CHODL: variants seen among roughly 807,000 people sequenced by gnomAD.
CHODL encodes the protein chondrolectin.
A neutral mutation model predicts 34.5 loss-of-function variants in CHODL; 29 were observed. The ratio of observed to expected loss-of-function variants is 0.84; its 90% CI spans 0.63 to 1.15. CHODL has a LOEUF of 1.15. Among genes scored for constraint, CHODL ranks in the 50% most tolerant of loss-of-function variants. CHODL has a pLI of 0.00. For missense variants in CHODL, 332 were observed against 332.5 expected (o/e 1.00, Z 0.01); for synonymous variants, 125 against 116.1 (o/e 1.08, Z -0.49).
chr21:18,148,178 C>A (rs1298439950), intron 2 of CHODL, among the ~76,000 whole-genome samples: 1 of 152,058 alleles, frequency 6.6e-6, no homozygotes, highest in African/African-American at 2.4e-5. Context: ...CACATTAGTA[C>A]CACCTTTATT....
At chr21:18,009,088 A>G (rs2063986706) in intron 1 of CHODL, among the ~76,000 whole-genome samples, 2 of 152,224 alleles carry the variant, frequency 1.3e-5, no homozygotes. Flanking sequence ...TTTTTAGTAT[A>G]TTGAAGCATT....
chr21:18,232,898 T>G (rs1458472326), intron 2 of CHODL, among the ~76,000 whole-genome samples: 1 of 147,690 alleles, frequency 6.8e-6, no homozygotes, highest in Non-Finnish European at 1.5e-5. Context: ...GGGGTCCATA[T>G]AATTATAATG....
intron 2 of CHODL, among the ~76,000 whole-genome samples, chr21:18,228,667 CTAT>C (rs1240920788): frequency 1.3e-5 from 2 of 152,252 alleles, no homozygotes; most frequent in African/African-American, 4.8e-5. Context: ...TCCCAAAACT[CTAT>C]TATCTGCCCT....
At chr21:18,103,371 A>G (rs1491768) in intron 2 of CHODL, among the ~76,000 whole-genome samples, 71,417 of 152,048 alleles carry the variant, frequency 0.47, 17,547 homozygotes, top group African/African-American at 0.53. Flanking sequence ...TAAAACAATC[A>G]GAGTTTGACT....
intron 2 of CHODL, among the ~76,000 whole-genome samples, chr21:18,158,838 T>A (rs1462866850): frequency 4.1e-5 from 5 of 121,242 alleles, no homozygotes; most frequent in African/African-American, 9.7e-5. Flanking sequence ...AACTCCGTCT[T>A]AAAAAAAAAA....
intron 1 of CHODL, among the ~76,000 whole-genome samples, chr21:17,967,066 G>T (rs1482964426): frequency 6.6e-6 from 1 of 151,918 alleles, no homozygotes; most frequent in Non-Finnish European, 1.5e-5. Context: ...TGTATTTTTA[G>T]TAGAGATGGG....
chr21:18,230,825 CATT>C (rs1383938546), intron 2 of CHODL, among the ~76,000 whole-genome samples: 2 of 152,014 alleles, frequency 1.3e-5, no homozygotes, highest in Non-Finnish European at 2.9e-5. Context: ...TAATTTTTGT[CATT>C]ATAGACTAAA....
chr21:18,246,680 G>T (rs1253546498), intron 1 of CHODL, among the ~76,000 whole-genome samples: 16 of 152,120 alleles, frequency 1.1e-4, no homozygotes, highest in Admixed American at 1.0e-3. Context: ...GAAAAGCAGA[G>T]ACCATGCTTT....
intron 1 of CHODL, among the ~76,000 whole-genome samples, chr21:18,010,399 G>A (rs1230842087): frequency 6.6e-6 from 1 of 151,838 alleles, no homozygotes; most frequent in Non-Finnish European, 1.5e-5. Flanking sequence ...GCAAATGACT[G>A]GAGAAGTTTC....
At chr21:18,257,370 A>C (rs1212033863) in intron 3 of CHODL, among the ~76,000 whole-genome samples, 4 of 152,228 alleles carry the variant, frequency 2.6e-5, no homozygotes. Flanking sequence ...AGAAAAAATA[A>C]TCATTTCTTA....
intron 2 of CHODL, among the ~76,000 whole-genome samples, chr21:18,135,731 A>G (rs532249558): frequency 6.6e-6 from 1 of 152,320 alleles, no homozygotes; most frequent in South Asian, 2.1e-4. Flanking sequence ...TGACTCTTGC[A>G]TTTTGTGTTC....
rs1218122119 is a variant in CHODL at position 17,937,714 on chromosome 21, A to G, written c.-145+20314A>G. 3.9e-5 allele frequency among the ~76,000 whole-genome samples: 6 copies of G among 152,096 alleles called. No individual in the cohort carries two copies. The South Asian group carries it at 1.0e-3, about 26-fold the overall frequency. On this transcript the variant is annotated intron_variant, in intron 1 of 6. Transcript: ENST00000400127. ...TAAACTATGATATTAATTTTTGGAT[A>G]ATTTTTCTACCTTCTCATTTTTTTC...
At chr21:18,075,765 T>C (rs1391657966) in intron 2 of CHODL, among the ~76,000 whole-genome samples, 1 of 152,162 alleles carries the variant, frequency 6.6e-6, no homozygotes, top group Non-Finnish European at 1.5e-5. Context: ...AATGTTATTG[T>C]ACCCCCAAAA....
chr21:18,256,560 A>T lies in CHODL; in HGVS notation c.131A>T (p.Tyr44Phe). 1.9e-6 allele frequency: 3 copies of T among 1,613,350 alleles called. No homozygotes were observed. Among genetic ancestry groups the T allele is most frequent in the Non-Finnish European group, 2.5e-6 (3 of 1,179,856 alleles). The change falls in exon 2 of 6, where the codon TAC becomes TTC. Residue 44 changes from tyrosine to phenylalanine, a missense_variant. Transcript: ENST00000299295. Reference protein sequence around the residue: ...DFKHPCYKMAYFHELSSRVSF... With the variant: ...DFKHPCYKMAFFHELSSRVSF... ...AAGCATCCCTGCTACAAAATGGCCT[A>T]CTTCCATGAACTGTCCAGCCGAGTG...
chr21:18,046,122 T>C (rs1243508485), intron 2 of CHODL, among the ~76,000 whole-genome samples: 1 of 151,700 alleles, frequency 6.6e-6, no homozygotes, highest in Non-Finnish European at 1.5e-5. Context: ...AGGGGGTCAG[T>C]GTGAGTAAGA....
chr21:17,918,366 A>G (rs1002343478), intron 1 of CHODL, among the ~76,000 whole-genome samples: 3 of 152,164 alleles, frequency 2.0e-5, no homozygotes, highest in African/African-American at 7.2e-5. Flanking sequence ...TTTACAAAAG[A>G]AAGAGATTTA....
chr21:17,979,749 CAG>C (rs1171669955), intron 1 of CHODL, among the ~76,000 whole-genome samples: 5 of 152,170 alleles, frequency 3.3e-5, no homozygotes, highest in Non-Finnish European at 7.4e-5. Context: ...GTATTGGTTT[CAG>C]AGTGTTTGGT....
At chr21:17,975,040 G>A (rs2063650145) in intron 1 of CHODL, among the ~76,000 whole-genome samples, 2 of 151,872 alleles carry the variant, frequency 1.3e-5, no homozygotes, top group African/African-American at 2.4e-5. Flanking sequence ...AAAAAGACCA[G>A]TGACAGGCCT....
chr21:17,927,492 A>G (rs1442124850), intron 1 of CHODL, among the ~76,000 whole-genome samples: 1 of 152,096 alleles, frequency 6.6e-6, no homozygotes, highest in Non-Finnish European at 1.5e-5. Flanking sequence ...TCTGTGGTAT[A>G]TTTGCATTTA....
Sources: gnomAD v4.1 joint callset for allele counts (sites outside exome capture counted in the v4.1 genomes callset) on GRCh38, gnomAD v4.1.1 for gene constraint, MANE v1.5 for transcripts, NCBI Gene and HGNC (gene_info 2026-07-23, HGNC 2026-07-21) for gene names.